The following EDAR variants were observed in gnomAD, a reference collection of about 807,000 sequenced individuals.
The protein encoded by EDAR is tumor necrosis factor receptor superfamily member EDAR.
In EDAR, 38 loss-of-function variants were observed where a neutral mutation model predicts 51.3. The ratio of observed to expected loss-of-function variants is 0.74; its 90% CI spans 0.57 to 0.97. The LOEUF is 0.97. EDAR is among the 50% of genes least tolerant of loss of function. EDAR has a pLI of 0.00. For missense variants in EDAR, 528 were observed against 595.0 expected, an observed-to-expected ratio of 0.89 and a Z score of 1.17; for synonymous variants, 227 against 242.1, an observed-to-expected ratio of 0.94 and a Z score of 0.58.
chr2:108,925,081 G>A (rs1007659911), intron 4 of EDAR, among the ~76,000 whole-genome samples: 1 of 151,834 alleles, frequency 6.6e-6, no homozygotes, highest in African/African-American at 2.4e-5. Context: ...CCACCTAGGG[G>A]GATTGGTCCC....
chr2:108,940,707 G>A (rs1050361215), intron 1 of EDAR, among the ~76,000 whole-genome samples: 5 of 152,232 alleles, frequency 3.3e-5, no homozygotes, highest in East Asian at 1.9e-4. Flanking sequence ...CACACCACGC[G>A]ATGACGTGGG....
chr2:108,988,294 T>C (rs1698530767), intron 1 of EDAR, among the ~76,000 whole-genome samples: 1 of 152,150 alleles, frequency 6.6e-6, no homozygotes, highest in Non-Finnish European at 1.5e-5. Context: ...TGCAGGAGGC[T>C]GGGAATCAGA....
At chr2:108,979,366 C>A (rs1319478856) in intron 1 of EDAR, among the ~76,000 whole-genome samples, 1 of 152,148 alleles carries the variant, frequency 6.6e-6, no homozygotes, top group Non-Finnish European at 1.5e-5. Flanking sequence ...TGGGCTGCCC[C>A]CTGCCCCACC....
chr2:108,932,372 C>T (rs925754506), intron 1 of EDAR, among the ~76,000 whole-genome samples: 2 of 151,172 alleles, frequency 1.3e-5, no homozygotes, highest in Non-Finnish European at 3.0e-5. Flanking sequence ...ACTAAAAATA[C>T]AAAAAAATTA....
chr2:108,955,887 G>A (rs923693437), intron 1 of EDAR, among the ~76,000 whole-genome samples: 1 of 151,762 alleles, frequency 6.6e-6, no homozygotes, highest in East Asian at 1.9e-4. Flanking sequence ...AAATTAGCCG[G>A]GCATGGTGGC....
In EDAR at chr2:108,912,761, A is replaced by G. The variant is rs1343456975; in HGVS notation, c.446T>C (p.Val149Ala). The G allele has an allele frequency of 3.8e-6, 6 of 1,591,586 alleles. No homozygotes were observed. The highest frequency in any genetic ancestry group is 5.1e-6 in the Non-Finnish European group (6 of 1,169,102). Residue 149 changes from valine to alanine, a missense_variant, in exon 6 of 12, where the codon GTG becomes GCG. Val to Ala is a moderately conservative substitution (Grantham distance 64). Coordinates refer to ENST00000258443, the MANE Select transcript of EDAR (RefSeq NM_022336.4). ...GGCAGAAGCTCCTGAAGTGGCTCCC[A>G]CACCTGCAAGGAAAATAGAGTCCCT... ...LLAPPNTKEC[V>A]GATSGASANF...
Position 108,934,618 on chromosome 2 carries a change from G to A in EDAR, c.-18-3586C>T, listed in dbSNP as rs184317121. 7.9e-5 allele frequency among the ~76,000 whole-genome samples: 12 copies of A among 152,264 alleles called. No individual in the cohort carries two copies. In the East Asian group the frequency reaches 1.7e-3, roughly 22 times the overall value. On this transcript the variant is annotated intron_variant, in intron 1 of 11. Transcript: ENST00000258443. ...AGTCCAAGAGCGACTGGCTGCATCCGGTGAGAGCCTTCTTTCCATGTCATA... is the reference window on the plus strand; with the variant it reads ...AGTCCAAGAGCGACTGGCTGCATCCAGTGAGAGCCTTCTTTCCATGTCATA...
At chr2:108,904,906 G>GAC (rs1441583756) in intron 11 of EDAR, among the ~76,000 whole-genome samples, 19 of 152,288 alleles carry the variant, frequency 1.2e-4, no homozygotes, top group Middle Eastern at 3.4e-3. Context: ...CAATATCAGT[G>GAC]TCCTGGTTGT....
chr2:108,932,268 C>T (rs1001139314), intron 1 of EDAR, among the ~76,000 whole-genome samples: 16 of 151,982 alleles, frequency 1.1e-4, no homozygotes, highest in Non-Finnish European at 5.9e-5. Context: ...GTGGCTCACA[C>T]CTGTAATCCC....
chr2:108,977,072 C>T (rs1367863087), intron 1 of EDAR, among the ~76,000 whole-genome samples: 1 of 152,152 alleles, frequency 6.6e-6, no homozygotes, highest in Non-Finnish European at 1.5e-5. Context: ...TAGAAAGACA[C>T]CTGTGCTGTG....
chr2:108,906,576 G>A (rs1696810901), intron 10 of EDAR, among the ~76,000 whole-genome samples: 1 of 152,200 alleles, frequency 6.6e-6, no homozygotes, highest in Middle Eastern at 3.2e-3. Context: ...GGTCTACCAC[G>A]GGTGCGTCTT....
At chr2:108,936,005 G>A (rs113279050) in intron 1 of EDAR, among the ~76,000 whole-genome samples, 2,241 of 152,332 alleles carry the variant, frequency 0.015, 27 homozygotes, top group South Asian at 0.03. Context: ...AGTGCCCACT[G>A]CAGGAAGAAG....
chr2:108,963,629 C>T (rs1698094826), intron 1 of EDAR, among the ~76,000 whole-genome samples: 1 of 152,100 alleles, frequency 6.6e-6, no homozygotes, highest in Non-Finnish European at 1.5e-5. Context: ...TTAGAGACTC[C>T]GTTTTATAAA....
At chr2:108,947,220 G>C (rs1275085434) in intron 1 of EDAR, among the ~76,000 whole-genome samples, 1 of 152,246 alleles carries the variant, frequency 6.6e-6, no homozygotes, top group Non-Finnish European at 1.5e-5. Context: ...TCCAGGGCAT[G>C]CTGATGCAAG....
At chr2:108,910,193 G>A (rs1048688134) in intron 9 of EDAR, among the ~76,000 whole-genome samples, 4 of 152,324 alleles carry the variant, frequency 2.6e-5, no homozygotes, top group East Asian at 1.9e-4. Context: ...TGAGGAATTC[G>A]GATGTTAAGG....
chr2:108,927,388 C>T (rs953129576), intron 4 of EDAR, among the ~76,000 whole-genome samples: 10 of 152,204 alleles, frequency 6.6e-5, no homozygotes, highest in Middle Eastern at 3.2e-3. Flanking sequence ...TGTCCACATT[C>T]GCCTGAATTC....
chr2:108,900,945 T>C (rs1388178569), intron 11 of EDAR, among the ~76,000 whole-genome samples: 2 of 152,338 alleles, frequency 1.3e-5, no homozygotes, highest in African/African-American at 4.8e-5. Context: ...ACAATTATAG[T>C]TGAAGACTTT....
At chr2:108,935,913 G>A (rs1257346003) in intron 1 of EDAR, among the ~76,000 whole-genome samples, 1 of 152,144 alleles carries the variant, frequency 6.6e-6, no homozygotes, top group Non-Finnish European at 1.5e-5. Flanking sequence ...TGAGCTGCTC[G>A]CCTCTTGGAA....
chr2:108,924,327 C>T (rs1697210761), intron 4 of EDAR, among the ~76,000 whole-genome samples: 1 of 152,224 alleles, frequency 6.6e-6, no homozygotes, highest in Admixed American at 6.5e-5. Context: ...GCTGGCACCA[C>T]CCTCTCCTTG....
Sources: gnomAD v4.1 joint callset for allele counts (sites outside exome capture counted in the v4.1 genomes callset) on GRCh38, gnomAD v4.1.1 for gene constraint, MANE v1.5 for transcripts, NCBI Gene and HGNC (gene_info 2026-07-23, HGNC 2026-07-21) for gene names.